Variants in GRIA3 observed in about 807,000 individuals in gnomAD.
The protein encoded by GRIA3 is glutamate receptor 3.
Under a neutral mutation model 63.0 loss-of-function variants are expected in GRIA3, and 3 were observed. The ratio of observed to expected loss-of-function variants is 0.05; its 90% CI spans 0.02 to 0.12. The LOEUF is 0.12. Ranked by LOEUF, GRIA3 falls within the 10% of genes least tolerant of loss-of-function variation. The pLI, the probability that GRIA3 is intolerant of heterozygous loss-of-function variation, is 1.00. For missense variants in GRIA3, 347 were observed against 700.9 expected (o/e 0.50, Z 5.70); for synonymous variants, 274 against 257.9 (o/e 1.06, Z -0.60).
At chrX:123,309,417 G>T (rs769510679) in intron 3 of GRIA3, among the ~76,000 whole-genome samples, 1 of 109,945 alleles carries the variant, frequency 9.1e-6, no homozygotes, top group Admixed American at 9.6e-5. Context: ...CTTGTTTCTC[G>T]TTTCTCTCTA....
Position 123,294,596 on chromosome X carries a change from T to G in GRIA3, c.509-31430T>G, listed in dbSNP as rs1445797010. 5.4e-5 allele frequency among the ~76,000 whole-genome samples: 6 copies of G among 110,586 alleles called. No individual in the cohort carries two copies. The East Asian group carries it at 1.7e-3, about 31-fold the overall frequency. On this transcript the variant is annotated intron_variant, in intron 3 of 15. Transcript: ENST00000620443. ...TAGAAACTAGCTCTAGGATTTTATG[T>G]CCCCAAAAGAGACTCCCTTTCAAAC...
At chrX:123,395,207 C>T (rs752512810) in intron 6 of GRIA3, 78 bp downstream of exon 6, 82 of 852,259 alleles carry the variant, frequency 9.6e-5, no homozygotes, top group Non-Finnish European at 1.3e-4. Context: ...CACTAACAGT[C>T]ATCTTATGAT....
At chrX:123,290,332 A>G (rs751842445) in intron 3 of GRIA3, among the ~76,000 whole-genome samples, 7 of 111,813 alleles carry the variant, frequency 6.3e-5, no homozygotes, top group Admixed American at 1.9e-4. Context: ...TACAGCAAAT[A>G]TATATTTTGT....
At chrX:123,460,955 G>A (rs896821237) in intron 12 of GRIA3, among the ~76,000 whole-genome samples, 4 of 111,735 alleles carry the variant, frequency 3.6e-5, no homozygotes, top group African/African-American at 1.3e-4. Flanking sequence ...TTGGGGGGAA[G>A]TTATTGATGT....
At chrX:123,447,605 C>T (rs1217375268) in intron 12 of GRIA3, among the ~76,000 whole-genome samples, 1 of 112,384 alleles carries the variant, frequency 8.9e-6, no homozygotes, top group East Asian at 2.8e-4. Context: ...AAAAACTTTG[C>T]TTCAGCTCAT....
intron 3 of GRIA3, among the ~76,000 whole-genome samples, chrX:123,269,286 C>G (rs979367294): frequency 1.8e-5 from 2 of 112,090 alleles, no homozygotes; most frequent in African/African-American, 6.5e-5. Context: ...ATAAAGTGAA[C>G]ATAATAATTG....
At chrX:123,454,312 T>A (rs1016952183) in intron 12 of GRIA3, among the ~76,000 whole-genome samples, 7 of 111,465 alleles carry the variant, frequency 6.3e-5, no homozygotes, top group Non-Finnish European at 1.3e-4. Flanking sequence ...TGTGCCTCTG[T>A]TTCTGCATGT....
At chrX:123,371,398 C>A (rs2045246827) in intron 5 of GRIA3, among the ~76,000 whole-genome samples, 1 of 110,061 alleles carries the variant, frequency 9.1e-6, no homozygotes, top group Non-Finnish European at 1.9e-5. Context: ...GGGTATATAC[C>A]CAGCAGTGGG....
rs1047990416 is a variant in GRIA3 at position 123,184,962 on chromosome X, C to G, written c.109+318C>G. 4.1e-5 allele frequency: 16 copies of G among 394,527 alleles called. No individual in the cohort carries two copies. In the East Asian group the frequency reaches 9.4e-4, roughly 23 times the overall value. The allele number at this position is 394,527 out of a possible 1,213,427, so 32.5% of individuals were successfully genotyped here. On this transcript the variant is annotated intron_variant, in intron 1 of 15. Coordinates refer to ENST00000620443, the MANE Select transcript of GRIA3 (RefSeq NM_007325.5). ...GGGATGCTGCAAGGGGGTGAAGAGT[C>G]GAGGCTTTTCGGCTCGCTGCTCTGG...
intron 3 of GRIA3, among the ~76,000 whole-genome samples, chrX:123,295,038 T>C (rs1189795979): frequency 2.7e-5 from 3 of 112,208 alleles, no homozygotes; most frequent in South Asian, 7.3e-4. Context: ...ATGGCTTTCA[T>C]TGTTTTATAA....
intron 10 of GRIA3, among the ~76,000 whole-genome samples, chrX:123,406,693 G>A (rs1006489215): frequency 9.0e-6 from 1 of 111,387 alleles, no homozygotes; most frequent in Non-Finnish European, 1.9e-5. Flanking sequence ...CCTGTCTTGG[G>A]TCAAGATCGG....
intron 6 of GRIA3, among the ~76,000 whole-genome samples, chrX:123,396,875 T>A (rs1029390002): frequency 1.8e-5 from 2 of 112,290 alleles, no homozygotes; most frequent in African/African-American, 6.5e-5. Context: ...TGCTTTATGA[T>A]CTTTAGATTT....
intron 3 of GRIA3, among the ~76,000 whole-genome samples, chrX:123,282,663 T>G (rs1041128716): frequency 1.2e-4 from 13 of 112,700 alleles, no homozygotes; most frequent in African/African-American, 4.2e-4. Flanking sequence ...CCCACCACTT[T>G]GGGAGGCCAA....
intron 13 of GRIA3, among the ~76,000 whole-genome samples, chrX:123,475,555 T>A (rs2147442110): frequency 9.0e-6 from 1 of 110,994 alleles, no homozygotes; most frequent in East Asian, 2.8e-4. Flanking sequence ...GAGGGGAGAG[T>A]GCCTGACTAA....
Position 123,463,700 on chromosome X carries a change from AAAAGAAAGAAAG to A in GRIA3, c.2077-1151_2077-1140del, listed in dbSNP as rs151193852. 9.8e-5 allele frequency among the ~76,000 whole-genome samples: 7 copies of A among 71,123 alleles called. 1 individual carries two copies. The highest frequency in any genetic ancestry group is 1.1e-3 in the East Asian group (2 of 1,835). 61.8% of individuals were successfully genotyped at this position (71,123 alleles called of 115,157 possible). On this transcript the variant is annotated intron_variant, in intron 12 of 15. Transcript: ENST00000620443. The stretch of plus-strand genomic sequence containing the variant: ...AGAAAGAAAGAGAGAGAAAGAAAGA[AAAAGAAAGAAAG>A]AAAGAAAGAAAGAGAAAGAAGAGAG...
At chrX:123,304,113 G>A (rs2044740735) in intron 3 of GRIA3, among the ~76,000 whole-genome samples, 1 of 110,092 alleles carries the variant, frequency 9.1e-6, no homozygotes, top group Non-Finnish European at 1.9e-5. Flanking sequence ...AATATCCTTG[G>A]GCACCAAAAA....
chrX:123,259,548 A>G, intron 3 of GRIA3, among the ~76,000 whole-genome samples: 1 of 110,399 alleles, frequency 9.1e-6, no homozygotes, highest in East Asian at 2.9e-4. Context: ...CCAATCAATG[A>G]CACATGTCAA....
intron 2 of GRIA3, among the ~76,000 whole-genome samples, chrX:123,252,635 T>C (rs1313123875): frequency 9.0e-6 from 1 of 111,217 alleles, no homozygotes; most frequent in Non-Finnish European, 1.9e-5. Flanking sequence ...GTCTATAAGA[T>C]ACATGCAAAA....
intron 11 of GRIA3, 38 bp from the exon 12 acceptor site, chrX:123,427,903 C>T (rs1311340219): frequency 2.1e-6 from 2 of 960,490 alleles, no homozygotes. Flanking sequence ...TAGATCTGGC[C>T]CCTCTGGGTC....
Sources: gnomAD v4.1 joint callset for allele counts (sites outside exome capture counted in the v4.1 genomes callset) on GRCh38, gnomAD v4.1.1 for gene constraint, MANE v1.5 for transcripts, NCBI Gene and HGNC (gene_info 2026-07-23, HGNC 2026-07-21) for gene names.